Variants in NAP1L1 observed in about 807,000 individuals in gnomAD.
The protein encoded by NAP1L1 is nucleosome assembly protein 1 like 1.
A neutral mutation model predicts 58.9 loss-of-function variants in NAP1L1; 9 were observed. The observed-to-expected ratio is 0.15, with a 90% confidence interval of 0.09 to 0.27. The LOEUF is 0.27. NAP1L1 is among the 10% of genes least tolerant of loss of function. The pLI is 1.00. For synonymous variants in NAP1L1, 130 were observed against 138.3 expected, an observed-to-expected ratio of 0.94 and a Z score of 0.42; for missense variants, 302 against 458.8, an observed-to-expected ratio of 0.66 and a Z score of 3.12.
intron 11 of NAP1L1, among the ~76,000 whole-genome samples, chr12:76,052,675 C>T (rs966390703): frequency 1.3e-5 from 2 of 152,150 alleles, no homozygotes; most frequent in Non-Finnish European, 2.9e-5. Flanking sequence ...ATGTTCTTTG[C>T]CATATGCCAT....
At chr12:76,074,872 T>C (rs1174140548) in intron 1 of NAP1L1, among the ~76,000 whole-genome samples, 1 of 152,108 alleles carries the variant, frequency 6.6e-6, no homozygotes, top group Non-Finnish European at 1.5e-5. Context: ...ATGTACCTCA[T>C]GTTAGATAAC....
Position 76,068,875 on chromosome 12 carries a change from A to C in NAP1L1, c.103+34T>G, listed in dbSNP as rs1949816913. On this transcript the variant is annotated intron_variant, in intron 3 of 14. Coordinates refer to ENST00000618691, the MANE Select transcript of NAP1L1 (RefSeq NM_004537.7). ...TACCCTCTAGTAGACATGTGCCAGC[A>C]ATCACTGGCTCCTGAAGTAATTTAA... The C allele has an allele frequency of 2.7e-6, 4 of 1,468,078 alleles. No homozygotes were observed. The East Asian group carries it at 9.1e-5, about 33-fold the overall frequency. 90.9% of individuals were successfully genotyped at this position (1,468,078 alleles called of 1,614,324 possible).
chr12:76,049,642 A>T, intron 13 of NAP1L1, 114 bp downstream of exon 13: 1 of 1,538,740 alleles, frequency 6.5e-7, no homozygotes, highest in South Asian at 1.1e-5. Flanking sequence ...TGTTTTCCAA[A>T]ATGTTTTTAT....
intron 1 of NAP1L1, among the ~76,000 whole-genome samples, chr12:76,076,181 C>T (rs186898462): frequency 1.9e-4 from 29 of 152,220 alleles, no homozygotes; most frequent in Middle Eastern, 6.8e-3. Flanking sequence ...AGTTTCACTC[C>T]CCAGAGATGC....
rs190086890 is a variant in NAP1L1, at chr12:76,057,688, G to C, written c.430-1527C>G. ...GTACTGTGAATATATGCCTGATGTTGCTAAATGTAGACAATGATTAGAGAA... is the reference window on the plus strand; with the variant it reads ...GTACTGTGAATATATGCCTGATGTTCCTAAATGTAGACAATGATTAGAGAA... On this transcript the variant is annotated intron_variant, in intron 6 of 14. Coordinates refer to ENST00000618691, the MANE Select transcript of NAP1L1 (RefSeq NM_004537.7). 7.4e-5 allele frequency: 111 copies of C among 1,499,230 alleles called. No homozygotes were observed. The East Asian group carries it at 2.6e-3, about 35-fold the overall frequency. The allele number at this position is 1,499,230 out of a possible 1,614,324, so 92.9% of individuals were successfully genotyped here.
At position 76,071,791 on chromosome 12, in the gene NAP1L1, T is replaced by A. The variant is rs182008236; in HGVS notation, c.17+2412A>T. 5.7e-4 allele frequency among the ~76,000 whole-genome samples: 86 copies of A among 152,168 alleles called. 1 individual carries two copies. The highest frequency in any genetic ancestry group is 2.0e-3 in the African/African-American group (81 of 41,512). ...TATTCAGTTTCCTCTCAGGAAAGGG[T>A]AAAATTCAGAACTTGGACTGGAAGA... is the stretch of plus-strand genomic sequence containing the variant. On this transcript the variant is annotated intron_variant, in intron 2 of 14. Transcript: ENST00000618691.
At chr12:76,058,764 C>T (rs969201966) in intron 6 of NAP1L1, among the ~76,000 whole-genome samples, 3 of 152,102 alleles carry the variant, frequency 2.0e-5, no homozygotes, top group African/African-American at 7.2e-5. Flanking sequence ...TTTTACTGAT[C>T]TAAAGCTGAG....
chr12:76,067,487 AGGGC>A lies in NAP1L1; in HGVS notation c.104-18_104-15del. ...TTAGCTGACGTGCTTTAAAAAAAAA[AGGGC>A]ATCGAAAGAAGGATTTTATGAAAAT... is the stretch of plus-strand genomic sequence containing the variant. On this transcript the variant is annotated splice_polypyrimidine_tract_variant and intron_variant, in intron 3 of 14. Transcript: ENST00000618691. 1.3e-6 allele frequency: 2 copies of A among 1,554,814 alleles called. No individual in the cohort carries two copies. Among genetic ancestry groups the A allele is most frequent in the Non-Finnish European group, 8.8e-7 (1 of 1,139,008 alleles).
chr12:76,052,915 C>A (rs1241633305), intron 11 of NAP1L1, among the ~76,000 whole-genome samples, 176 bp downstream of exon 11: 1 of 152,158 alleles, frequency 6.6e-6, no homozygotes, highest in Non-Finnish European at 1.5e-5. Flanking sequence ...TGTTTCTCAG[C>A]AGAAGCACTG....
intron 2 of NAP1L1, among the ~76,000 whole-genome samples, chr12:76,070,347 A>T (rs889064806): frequency 2.0e-5 from 3 of 152,116 alleles, no homozygotes; most frequent in East Asian, 1.9e-4. Context: ...GCCTCAGGTG[A>T]TCCTCCCACG....
intron 2 of NAP1L1, among the ~76,000 whole-genome samples, chr12:76,071,565 T>C (rs915055555): frequency 1.3e-5 from 2 of 152,118 alleles, no homozygotes; most frequent in South Asian, 2.1e-4. Flanking sequence ...GATAATTTCA[T>C]TGAGAGAACT....
At chr12:76,049,366 C>T in intron 13 of NAP1L1, 116 bp from the exon 14 acceptor site, 2 of 1,575,150 alleles carry the variant, frequency 1.3e-6, no homozygotes, top group Non-Finnish European at 1.7e-6. Flanking sequence ...TTCATGATTA[C>T]AGACTTTGAT....
At chr12:76,061,719 C>T (rs1323381519) in intron 4 of NAP1L1, among the ~76,000 whole-genome samples, 1 of 152,190 alleles carries the variant, frequency 6.6e-6, no homozygotes, top group African/African-American at 2.4e-5. Flanking sequence ...TTTCCTGCCA[C>T]AAACTTTTGT....
In NAP1L1 at chr12:76,048,370, A is replaced by C; in HGVS notation, c.*59T>G. On this transcript the variant is annotated 3_prime_UTR_variant, in exon 15 of 15. Transcript: ENST00000618691. ...CAAAAACATAAGGCTGTAAGTAAAT[A>C]AGAGTTGTGTTTAGGCTATTACAGT... The C allele has an allele frequency of 6.4e-7, 1 of 1,573,052 alleles. No homozygotes were observed. Among genetic ancestry groups the C allele is most frequent in the Non-Finnish European group, 8.7e-7 (1 of 1,150,888 alleles).
rs901105483 is a variant in NAP1L1, at chr12:76,039,854, G to A, written c.*8575C>T. 4.6e-5 allele frequency: 7 copies of A among 152,134 alleles called. No individual in the cohort carries two copies. The highest frequency in any genetic ancestry group is 7.4e-5 in the Non-Finnish European group (5 of 68,006). 9.4% of individuals were successfully genotyped at this position (152,134 alleles called of 1,614,324 possible). On this transcript the variant is annotated 3_prime_UTR_variant, in exon 15 of 15. Transcript: ENST00000618691. ...AACACTTAGTTCTCCCCAAATTGCT[G>A]ATTAATACTGTAAACTGAAATCCCA... is the stretch of plus-strand genomic sequence containing the variant.
At position 76,053,782 on chromosome 12, in the gene NAP1L1, A is replaced by G. The variant is rs1948950233; in HGVS notation, c.758T>C (p.Met253Thr). ...AAATTAAACTCACCCTGTACAACCC[A>G]TAATTTCTGGTCCATCAAAAGAAAA... ...DPFSFDGPEI[M>T]GCTGCQIDWK... The change falls in exon 9 of 15, where the codon ATG becomes ACG. Residue 253 changes from methionine (M) to threonine (T), a missense_variant. Met to Thr is a moderately conservative substitution (Grantham distance 81, BLOSUM62 -1). Transcript: ENST00000618691. 6.2e-7 allele frequency: 1 copy of G among 1,609,208 alleles called. No homozygotes were observed. The highest frequency in any genetic ancestry group is 8.5e-7 in the Non-Finnish European group (1 of 1,178,978).
Position 76,044,425 on chromosome 12 carries a change from G to A in NAP1L1, c.*4004C>T, listed in dbSNP as rs535044180. ...TTCTAGGATCCACAAAACTTAAAATGCCCAATTTCCCATAGGAAAATTAAA... is the reference window on the plus strand; with the variant it reads ...TTCTAGGATCCACAAAACTTAAAATACCCAATTTCCCATAGGAAAATTAAA... On this transcript the variant is annotated 3_prime_UTR_variant, in exon 15 of 15. Transcript: ENST00000618691. The A allele has an allele frequency of 6.6e-6, 1 of 152,242 alleles. No homozygotes were observed. Among genetic ancestry groups the A allele is most frequent in the East Asian group, 1.9e-4 (1 of 5,184 alleles). 9.4% of individuals were successfully genotyped at this position (152,242 alleles called of 1,614,324 possible). A position where few individuals can be genotyped will look rare whatever the true frequency, so the allele number is the denominator to read the frequency against.
chr12:76,052,030 T>A (rs1466740391), intron 11 of NAP1L1, among the ~76,000 whole-genome samples: 3 of 151,478 alleles, frequency 2.0e-5, no homozygotes, highest in African/African-American at 7.3e-5. Flanking sequence ...AAAATAATAA[T>A]AATAAAATAA....
intron 4 of NAP1L1, among the ~76,000 whole-genome samples, chr12:76,067,145 G>A (rs1402438090): frequency 2.0e-5 from 3 of 152,040 alleles, no homozygotes; most frequent in Non-Finnish European, 4.4e-5. Context: ...AAATGCTCAA[G>A]ATCAGTACAC....
Sources: allele counts gnomAD v4.1 joint callset (sites outside exome capture counted in the v4.1 genomes callset), GRCh38; gene constraint gnomAD v4.1.1; transcripts MANE v1.5; gene names NCBI Gene and HGNC (gene_info 2026-07-23, HGNC 2026-07-21).